Variants in TMPRSS15 observed in about 807,000 individuals in gnomAD.
TMPRSS15 encodes transmembrane serine protease 15.
In TMPRSS15, 128 loss-of-function variants were observed where a neutral mutation model predicts 125.3. The observed-to-expected ratio is 1.02, with a 90% confidence interval of 0.89 to 1.18. The LOEUF is 1.18. TMPRSS15 is among the 50% of genes most tolerant of loss of function. The pLI is 0.00. For synonymous variants in TMPRSS15, 446 were observed against 423.2 expected (o/e 1.05, Z -0.66); for missense variants, 1,283 against 1,212.7 (o/e 1.06, Z -0.86).
chr21:18,326,669 T>A, intron 15 of TMPRSS15, 97 bp from the exon 16 acceptor site: 1 of 1,379,938 alleles, frequency 7.2e-7, no homozygotes, highest in South Asian at 1.2e-5. Context: ...GACGTAGGGC[T>A]ACATGTTACA....
intron 1 of TMPRSS15, among the ~76,000 whole-genome samples, chr21:18,419,507 G>A (rs1003269082): frequency 6.6e-6 from 1 of 152,046 alleles, no homozygotes; most frequent in African/African-American, 2.4e-5. Flanking sequence ...TTACAGATGT[G>A]AGCCAGTGTA....
At chr21:18,370,657 T>C (rs998729305) in intron 6 of TMPRSS15, among the ~76,000 whole-genome samples, 11 of 152,196 alleles carry the variant, frequency 7.2e-5, no homozygotes, top group Admixed American at 3.3e-4. Flanking sequence ...CAATATGTTC[T>C]GAGTGTACTT....
chr21:18,401,422 C>T (rs896787750), intron 1 of TMPRSS15, among the ~76,000 whole-genome samples: 2 of 152,120 alleles, frequency 1.3e-5, no homozygotes, highest in African/African-American at 4.8e-5. Flanking sequence ...AACTCATGTC[C>T]TTTGCAGCAA....
At chr21:18,313,773 A>G (rs2075127743) in intron 17 of TMPRSS15, among the ~76,000 whole-genome samples, 1 of 152,032 alleles carries the variant, frequency 6.6e-6, no homozygotes, top group Admixed American at 6.6e-5. Context: ...ACAAATCTAT[A>G]CAGCAAATAA....
chr21:18,413,225 T>C (rs2076170469), intron 1 of TMPRSS15, among the ~76,000 whole-genome samples: 1 of 134,670 alleles, frequency 7.4e-6, no homozygotes, highest in Non-Finnish European at 1.6e-5. Context: ...TCCTCTTCCT[T>C]CCTTCCTTTT....
chr21:18,397,828 C>A, intron 3 of TMPRSS15, 51 bp downstream of exon 3: 2 of 1,043,630 alleles, frequency 1.9e-6, no homozygotes, highest in South Asian at 1.5e-5. Context: ...CAAATATTAG[C>A]AAAAAAATCA....
intron 10 of TMPRSS15, among the ~76,000 whole-genome samples, chr21:18,345,828 C>T (rs1441618942): frequency 6.8e-6 from 1 of 147,824 alleles, no homozygotes; most frequent in Non-Finnish European, 1.5e-5. Flanking sequence ...TAATTAGCTA[C>T]AATTATATAA....
At chr21:18,329,394 A>G in intron 14 of TMPRSS15, 100 bp from the exon 15 acceptor site, 4 of 1,272,524 alleles carry the variant, frequency 3.1e-6, no homozygotes, top group Admixed American at 5.5e-5. Context: ...AAAAAAATCA[A>G]TTTTTTTTCC....
chr21:18,414,969 TTCCTA>T (rs2076176290), intron 1 of TMPRSS15, among the ~76,000 whole-genome samples: 1 of 152,140 alleles, frequency 6.6e-6, no homozygotes, highest in Non-Finnish European at 1.5e-5. Context: ...TCATGTTACA[TTCCTA>T]CAAACACTGT....
intron 6 of TMPRSS15, among the ~76,000 whole-genome samples, chr21:18,367,072 TAA>T (rs1315051495): frequency 6.6e-6 from 1 of 152,120 alleles, no homozygotes; most frequent in African/African-American, 2.4e-5. Context: ...TTTGGTAACT[TAA>T]GTTTATTATT....
At chr21:18,438,374 T>C (rs7276655) in intron 1 of TMPRSS15, among the ~76,000 whole-genome samples, 15,645 of 148,914 alleles carry the variant, frequency 0.11, 953 homozygotes, top group African/African-American at 0.13. Context: ...ATACCTAATG[T>C]TAAATGTCGA....
intron 1 of TMPRSS15, among the ~76,000 whole-genome samples, chr21:18,443,872 G>A (rs1457843452): frequency 6.6e-6 from 1 of 152,168 alleles, no homozygotes; most frequent in African/African-American, 2.4e-5. Flanking sequence ...TCAGCCAGAG[G>A]GTGCAGCTTC....
chr21:18,457,466 A>T (rs1228035928), intron 1 of TMPRSS15, among the ~76,000 whole-genome samples: 3 of 151,858 alleles, frequency 2.0e-5, no homozygotes, highest in Admixed American at 6.6e-5. Context: ...GTCATTAAAA[A>T]CCCTAGATAG....
At chr21:18,458,409 A>T (rs1978483154) in intron 1 of TMPRSS15, among the ~76,000 whole-genome samples, 1 of 152,190 alleles carries the variant, frequency 6.6e-6, no homozygotes, top group African/African-American at 2.4e-5. Context: ...ACACTATGCC[A>T]GAACTGTGTT....
intron 16 of TMPRSS15, among the ~76,000 whole-genome samples, chr21:18,321,639 C>A (rs2075238621): frequency 1.3e-5 from 2 of 152,084 alleles, no homozygotes. Flanking sequence ...GCGTGAGCCA[C>A]GTGCCCGGCC....
intron 1 of TMPRSS15, among the ~76,000 whole-genome samples, chr21:18,432,670 G>A (rs1265927338): frequency 6.6e-6 from 1 of 152,146 alleles, no homozygotes; most frequent in East Asian, 1.9e-4. Context: ...GAGAGTCAAG[G>A]TAGCATCCTT....
chr21:18,271,414 A>T (rs374911720), intron 24 of TMPRSS15, among the ~76,000 whole-genome samples: 1 of 152,090 alleles, frequency 6.6e-6, no homozygotes, highest in East Asian at 1.9e-4. Flanking sequence ...CAGAATAAGG[A>T]TTTTACCCAG....
rs758932690 is a variant in TMPRSS15, at chr21:18,278,950, G to A, written c.2764+14C>T. On this transcript the variant is annotated intron_variant, in intron 23 of 24. Transcript: ENST00000284885. The stretch of plus-strand genomic sequence containing the variant: ...TTTTTTTTTTTTTTTTTTTTTTTGA[G>A]TCTGATAATTTACCTTGATATACAA... The A allele has an allele frequency of 3.3e-5, 11 of 337,006 alleles. No individual in the cohort carries two copies. The South Asian group carries it at 3.5e-4, about 11-fold the overall frequency. 20.9% of individuals were successfully genotyped at this position (337,006 alleles called of 1,614,324 possible). A position where few individuals can be genotyped will look rare whatever the true frequency, so the allele number is the denominator to read the frequency against.
chr21:18,274,490 C>G (rs762032393), intron 24 of TMPRSS15, among the ~76,000 whole-genome samples: 2 of 152,140 alleles, frequency 1.3e-5, no homozygotes, highest in Non-Finnish European at 2.9e-5. Flanking sequence ...GAAGTTACTA[C>G]GTGGGTAAGA....
Sources: allele counts gnomAD v4.1 joint callset (sites outside exome capture counted in the v4.1 genomes callset), GRCh38; gene constraint gnomAD v4.1.1; transcripts MANE v1.5; gene names NCBI Gene and HGNC (gene_info 2026-07-23, HGNC 2026-07-21).